The following NKAIN2 variants were observed in gnomAD, a reference collection of about 807,000 sequenced individuals.
NKAIN2 encodes the protein sodium/potassium transporting ATPase interacting 2.
A neutral mutation model predicts 32.6 loss-of-function variants in NKAIN2; 14 were observed. The ratio of observed to expected loss-of-function variants is 0.43; its 90% CI spans 0.28 to 0.67. The LOEUF (loss-of-function observed/expected upper bound fraction) is 0.67, where lower values mean the gene tolerates loss of function less well. Ranked by LOEUF, NKAIN2 falls within the 30% of genes least tolerant of loss-of-function variation. The pLI is 0.17. For missense variants in NKAIN2, 198 were observed against 258.3 expected (o/e 0.77, Z 1.60); for synonymous variants, 80 against 87.2 (o/e 0.92, Z 0.46).
At chr6:124,024,452 G>A in intron 1 of NKAIN2, among the ~76,000 whole-genome samples, 1 of 151,798 alleles carries the variant, frequency 6.6e-6, no homozygotes, top group East Asian at 1.9e-4. Context: ...CTTTCACGTT[G>A]GAGAATACAT....
chr6:124,268,617 AATG>A (rs1433692560), intron 1 of NKAIN2, among the ~76,000 whole-genome samples: 5 of 152,084 alleles, frequency 3.3e-5, no homozygotes, highest in Admixed American at 2.6e-4. Context: ...ACTGAAAAGA[AATG>A]ATATGATGAG....
chr6:124,093,516 GTTA>G (rs757457146), intron 1 of NKAIN2, among the ~76,000 whole-genome samples: 2 of 152,124 alleles, frequency 1.3e-5, no homozygotes, highest in Non-Finnish European at 2.9e-5. Context: ...GTTAATTGTT[GTTA>G]TTATTATTAA....
Position 124,080,967 on chromosome 6 carries a change from T to C in NKAIN2, c.55-202038T>C, listed in dbSNP as rs533948455. On this transcript the variant is annotated intron_variant, in intron 1 of 6. Coordinates refer to ENST00000368417, the MANE Select transcript of NKAIN2 (RefSeq NM_001040214.3). ...GCCTGCATAGGTATAAATCCCACCATAGTAATAAAAATTGATTTCAGGGCA... is the reference window on the plus strand; with the variant it reads ...GCCTGCATAGGTATAAATCCCACCACAGTAATAAAAATTGATTTCAGGGCA... Among the ~76,000 whole-genome samples, 7 of 152,264 alleles carry C rather than the reference T, an allele frequency of 4.6e-5. No individual in the cohort carries two copies. In the South Asian group the frequency reaches 1.5e-3, roughly 32 times the overall value.
At chr6:124,725,212 C>A (rs1252642243) in intron 4 of NKAIN2, among the ~76,000 whole-genome samples, 4 of 152,182 alleles carry the variant, frequency 2.6e-5, no homozygotes, top group Non-Finnish European at 5.9e-5. Flanking sequence ...TCTTAAGTTA[C>A]AATTTACATA....
chr6:124,558,948 T>TCAAACAAA (rs3053603), intron 3 of NKAIN2, among the ~76,000 whole-genome samples: 232 of 150,136 alleles, frequency 1.5e-3, no homozygotes, highest in African/African-American at 3.8e-3. Context: ...AAACTCCATC[T>TCAAACAAA]CAAACAAACA....
intron 3 of NKAIN2, among the ~76,000 whole-genome samples, chr6:124,377,201 A>C (rs909204456): frequency 6.6e-6 from 1 of 152,200 alleles, no homozygotes; most frequent in African/African-American, 2.4e-5. Flanking sequence ...ATATTCTACA[A>C]ATCTTCAGAT....
chr6:124,596,693 T>A (rs1028470037), intron 3 of NKAIN2, among the ~76,000 whole-genome samples: 55 of 137,304 alleles, frequency 4.0e-4, no homozygotes, highest in African/African-American at 1.4e-3. Flanking sequence ...TGTGTGTGTG[T>A]GTGTGTGTAA....
At chr6:124,489,805 A>T (rs140256627) in intron 3 of NKAIN2, among the ~76,000 whole-genome samples, 20 of 151,964 alleles carry the variant, frequency 1.3e-4, no homozygotes, top group African/African-American at 4.6e-4. Context: ...ACATATTCAT[A>T]ATATATTCAC....
chr6:123,940,980 G>A (rs183387955), intron 1 of NKAIN2, among the ~76,000 whole-genome samples: 8 of 151,764 alleles, frequency 5.3e-5, no homozygotes, highest in East Asian at 1.9e-4. Context: ...ACAGCTCTAC[G>A]AATTTTTTAT....
chr6:124,054,812 G>A (rs1298105385), intron 1 of NKAIN2, among the ~76,000 whole-genome samples: 1 of 151,966 alleles, frequency 6.6e-6, no homozygotes, highest in African/African-American at 2.4e-5. Flanking sequence ...CTACATTCAG[G>A]TCCCTAGTTT....
chr6:124,453,758 A>T (rs1194672680), intron 3 of NKAIN2, among the ~76,000 whole-genome samples: 3 of 152,114 alleles, frequency 2.0e-5, no homozygotes, highest in East Asian at 1.9e-4. Flanking sequence ...AATGAAACAA[A>T]TTAGTAGATG....
intron 4 of NKAIN2, among the ~76,000 whole-genome samples, chr6:124,778,017 G>A (rs1011337291): frequency 6.6e-6 from 1 of 151,558 alleles, no homozygotes; most frequent in African/African-American, 2.4e-5. Context: ...CAGTAATGAG[G>A]TTTTAACAAT....
At chr6:124,735,591 A>G (rs2040359840) in intron 4 of NKAIN2, among the ~76,000 whole-genome samples, 1 of 151,454 alleles carries the variant, frequency 6.6e-6, no homozygotes, top group South Asian at 2.1e-4. Context: ...GTTTGTGGGA[A>G]CTCTGAGTGG....
At chr6:124,808,260 G>A (rs2114851425) in intron 5 of NKAIN2, among the ~76,000 whole-genome samples, 1 of 151,500 alleles carries the variant, frequency 6.6e-6, no homozygotes, top group Non-Finnish European at 1.5e-5. Context: ...ACTGAATCCA[G>A]CAGCACATCA....
chr6:124,286,642 TTGTGTGTG>T (rs56396833), intron 2 of NKAIN2, among the ~76,000 whole-genome samples: 158 of 144,588 alleles, frequency 1.1e-3, no homozygotes, highest in African/African-American at 4.0e-3. Context: ...GTTTGGAAAA[TTGTGTGTG>T]TGTGTGTGTG....
At chr6:124,343,774 T>C (rs1007381415) in intron 2 of NKAIN2, among the ~76,000 whole-genome samples, 3 of 149,748 alleles carry the variant, frequency 2.0e-5, no homozygotes, top group Non-Finnish European at 3.0e-5. Context: ...TCTCCCATTT[T>C]GTAGGTTGCC....
At chr6:124,231,846 T>G (rs1005982581) in intron 1 of NKAIN2, among the ~76,000 whole-genome samples, 1 of 114,282 alleles carries the variant, frequency 8.8e-6, no homozygotes, top group African/African-American at 2.6e-5. Flanking sequence ...GATATATACT[T>G]CTTTATATAA....
intron 3 of NKAIN2, among the ~76,000 whole-genome samples, chr6:124,524,817 A>G (rs1360364290): frequency 1.3e-5 from 2 of 152,220 alleles, no homozygotes; most frequent in Non-Finnish European, 2.9e-5. Context: ...TTTTTCACAT[A>G]AAACTGATTA....
At chr6:124,245,902 G>C (rs938892540) in intron 1 of NKAIN2, among the ~76,000 whole-genome samples, 4 of 152,004 alleles carry the variant, frequency 2.6e-5, no homozygotes, top group Admixed American at 6.6e-5. Flanking sequence ...GCTTAAAGTG[G>C]AACCAAGACA....
Sources: gnomAD v4.1 joint callset for allele counts (sites outside exome capture counted in the v4.1 genomes callset) on GRCh38, gnomAD v4.1.1 for gene constraint, MANE v1.5 for transcripts, NCBI Gene and HGNC (gene_info 2026-07-23, HGNC 2026-07-21) for gene names.